Variants in ENPEP observed in about 807,000 individuals in gnomAD.
ENPEP encodes the protein glutamyl aminopeptidase.
Under a neutral mutation model 114.5 loss-of-function variants are expected in ENPEP, and 103 were observed. The observed-to-expected ratio is 0.90, with a 90% CI of 0.77 to 1.06. The LOEUF is 1.06. Among genes scored for constraint, ENPEP ranks in the 50% least tolerant of loss-of-function variants. ENPEP has a pLI of 0.00. For missense variants in ENPEP, 1,196 were observed against 1,161.3 expected, an observed-to-expected ratio of 1.03 and a Z score of -0.43; for synonymous variants, 420 against 422.0, an observed-to-expected ratio of 1.00 and a Z score of 0.06.
chr4:110,539,697 T>G (rs1378080846), intron 11 of ENPEP, among the ~76,000 whole-genome samples: 1 of 152,166 alleles, frequency 6.6e-6, no homozygotes, highest in Non-Finnish European at 1.5e-5. Context: ...GCCTCAGCTC[T>G]TTTACTATCA....
At position 110,488,578 on chromosome 4, in the gene ENPEP, A is replaced by G. The variant is rs1484851977; in HGVS notation, c.682A>G (p.Arg228Gly). 1 of 1,613,778 alleles carries G rather than the reference A, an allele frequency of 6.2e-7. No homozygotes were observed. Among genetic ancestry groups the G allele is most frequent in the African/African-American group, 1.3e-5 (1 of 74,932 alleles). ...VATDHEPTDA[R>G]KSFPCFDEPN... is the part of the protein sequence containing the mutation. Reference sequence around the variant, plus strand: ...CACCGATCATGAACCAACAGATGCCAGGAAATCTTTTCCTTGTTTTGATGA... The same window carrying G: ...CACCGATCATGAACCAACAGATGCCGGGAAATCTTTTCCTTGTTTTGATGA... Residue 228 changes from arginine to glycine, a missense_variant, in exon 2 of 20, where the codon AGG (arginine) becomes GGG (glycine). Physicochemically the swap from Arg to Gly is moderately radical, Grantham distance 125. Transcript: ENST00000265162.
intron 3 of ENPEP, among the ~76,000 whole-genome samples, chr4:110,500,995 A>C (rs774806731): frequency 2.0e-5 from 3 of 152,172 alleles, no homozygotes; most frequent in Non-Finnish European, 4.4e-5. Flanking sequence ...GATGCTTTCA[A>C]AATCACCAAA....
rs958580572 is a variant in ENPEP at position 110,534,812 on chromosome 4, C to CT, written c.1807+3545dup. 1.5e-4 allele frequency among the ~76,000 whole-genome samples: 23 copies of CT among 149,286 alleles called. 1 individual carries two copies. In the South Asian group the frequency reaches 2.5e-3, roughly 17 times the overall value. ...GCATGAGCCACCGCGCCTGGCCTCT[C>CT]TTTTTTTTTTCTCAACTAAATTATA... On this transcript the variant is annotated intron_variant, in intron 11 of 19. Coordinates refer to ENST00000265162, the MANE Select transcript of ENPEP (RefSeq NM_001977.4).
At position 110,515,389 on chromosome 4, in the gene ENPEP, T is replaced by C. The variant is rs1725723171; in HGVS notation, c.1456T>C (p.Leu486=). The C allele has an allele frequency of 6.2e-7, 1 of 1,602,118 alleles. No individual in the cohort carries two copies. The highest frequency in any genetic ancestry group is 1.8e-5 in the Admixed American group (1 of 56,354). The change falls in exon 8 of 20, where the codon TTG becomes CTG. Residue 486 remains leucine (L), a synonymous_variant. Coordinates refer to ENST00000265162, the MANE Select transcript of ENPEP (RefSeq NM_001977.4). The stretch of plus-strand genomic sequence containing the variant: ...ATCCCCATTGTAGGGATCTTCTATT[T>C]TGAGAATGCTTGAAGACTGGATAAA... The part of the protein sequence containing the change: ...GISYSKGSSI[L]RMLEDWIKPE...
intron 1 of ENPEP, among the ~76,000 whole-genome samples, chr4:110,483,997 T>A (rs1462050953): frequency 2.0e-5 from 3 of 152,212 alleles, no homozygotes; most frequent in African/African-American, 7.2e-5. Context: ...AAGAACAGGT[T>A]ACCATTTTAA....
At chr4:110,538,497 G>A (rs1040360057) in intron 11 of ENPEP, among the ~76,000 whole-genome samples, 9 of 152,180 alleles carry the variant, frequency 5.9e-5, no homozygotes, top group African/African-American at 2.2e-4. Flanking sequence ...TTTGGATTAA[G>A]GGAATGTTGT....
At chr4:110,496,691 G>T (rs1724953557) in intron 3 of ENPEP, among the ~76,000 whole-genome samples, 1 of 152,060 alleles carries the variant, frequency 6.6e-6, no homozygotes, top group African/African-American at 2.4e-5. Context: ...TACTGTTCAG[G>T]TATTTCGTAG....
chr4:110,554,370 T>G (rs1727395687), intron 18 of ENPEP, among the ~76,000 whole-genome samples: 1 of 152,044 alleles, frequency 6.6e-6, no homozygotes, highest in African/African-American at 2.4e-5. Context: ...AGTGCTATTA[T>G]GTCCATTTAC....
At chr4:110,535,191 A>G (rs1300100209) in intron 11 of ENPEP, among the ~76,000 whole-genome samples, 1 of 152,146 alleles carries the variant, frequency 6.6e-6, no homozygotes, top group Non-Finnish European at 1.5e-5. Context: ...AGTGCATAGG[A>G]TCTGGGCTGG....
Position 110,548,286 on chromosome 4 carries a change from G to C in ENPEP, c.2111G>C (p.Ser704Thr). 2 of 1,604,402 alleles carry C rather than the reference G, an allele frequency of 1.2e-6. No homozygotes were observed. The highest frequency in any genetic ancestry group is 1.7e-6 in the Non-Finnish European group (2 of 1,175,694). The change falls in exon 14 of 20, where the codon AGC becomes ACC. Residue 704 changes from serine (S) to threonine (T), a missense_variant. Coordinates refer to ENST00000265162, the MANE Select transcript of ENPEP (RefSeq NM_001977.4). ...ATTTCAGCTGTAACCTACATCATTA[G>C]CATGTTTGAAGATGATAAAGAGCTA... Reference protein sequence around the residue: ...RVISAVTYIISMFEDDKELYP... With the variant: ...RVISAVTYIITMFEDDKELYP...
intron 1 of ENPEP, among the ~76,000 whole-genome samples, chr4:110,477,637 C>A (rs183836511): frequency 4.6e-5 from 7 of 151,940 alleles, no homozygotes; most frequent in African/African-American, 1.7e-4. Context: ...TTTCTGTCTC[C>A]GATGGCCAGG....
At chr4:110,519,146 T>C (rs17552555) in intron 8 of ENPEP, 10,240 of 455,342 alleles carry the variant, frequency 0.022, 157 homozygotes, top group Non-Finnish European at 0.034. Context: ...CCAAAGTGGC[T>C]TCATCCCTCT....
At chr4:110,489,181 G>T (rs984576926) in intron 2 of ENPEP, among the ~76,000 whole-genome samples, 1 of 151,760 alleles carries the variant, frequency 6.6e-6, no homozygotes, top group East Asian at 1.9e-4. Context: ...CTCCTTTGGT[G>T]AGTGGGAAGT....
chr4:110,508,600 A>G lies in ENPEP; in HGVS notation c.1040-1053A>G, dbSNP rs561567080. 1.7e-3 allele frequency among the ~76,000 whole-genome samples: 265 copies of G among 152,202 alleles called. 1 individual carries two copies. Among genetic ancestry groups the G allele is most frequent in the African/African-American group, 6.0e-3 (248 of 41,540 alleles). On this transcript the variant is annotated intron_variant, in intron 4 of 19. Transcript: ENST00000265162. ...GCCGAGGCGGGTGGATCACGAGGTC[A>G]GGAGATGGAGACCATCCTGGCTAAC...
At chr4:110,490,069 G>A (rs1307737159) in intron 2 of ENPEP, among the ~76,000 whole-genome samples, 1 of 152,162 alleles carries the variant, frequency 6.6e-6, no homozygotes, top group East Asian at 1.9e-4. Context: ...CTAGATGAAG[G>A]TGGGGGGAAA....
chr4:110,501,710 A>G (rs967899646), intron 3 of ENPEP, among the ~76,000 whole-genome samples: 2 of 152,218 alleles, frequency 1.3e-5, no homozygotes, highest in African/African-American at 4.8e-5. Context: ...GATTCCATCC[A>G]CGTCTTTGCT....
intron 8 of ENPEP, chr4:110,519,247 C>A: frequency 5.8e-6 from 2 of 342,500 alleles, no homozygotes; most frequent in South Asian, 2.4e-5. Context: ...AGGTACAGCA[C>A]CTACTGAAAA....
At chr4:110,500,552 TA>T (rs1361269006) in intron 3 of ENPEP, among the ~76,000 whole-genome samples, 1 of 152,210 alleles carries the variant, frequency 6.6e-6, no homozygotes, top group African/African-American at 2.4e-5. Flanking sequence ...TGTTTATATA[TA>T]ATGTTTACAT....
At chr4:110,551,793 C>G (rs11932283) in intron 17 of ENPEP, among the ~76,000 whole-genome samples, 7,382 of 152,174 alleles carry the variant, frequency 0.049, 621 homozygotes, top group African/African-American at 0.17. Context: ...AGTAAATGTT[C>G]AGTCTTCTAG....
Sources: allele counts gnomAD v4.1 joint callset (sites outside exome capture counted in the v4.1 genomes callset), GRCh38; gene constraint gnomAD v4.1.1; transcripts MANE v1.5; gene names NCBI Gene and HGNC (gene_info 2026-07-23, HGNC 2026-07-21).